Variants in RAD51B observed in about 807,000 individuals in gnomAD.
RAD51B encodes DNA repair protein RAD51 homolog 2.
A neutral mutation model predicts 42.2 loss-of-function variants in RAD51B; 38 were observed. The ratio of observed to expected loss-of-function variants is 0.90; its 90% CI spans 0.70 to 1.18. The LOEUF (loss-of-function observed/expected upper bound fraction) is 1.18. RAD51B is among the 50% of genes most tolerant of loss of function. RAD51B has a pLI of 0.00. For missense variants in RAD51B, 373 were observed against 400.7 expected (o/e 0.93, Z 0.59); for synonymous variants, 154 against 145.2 (o/e 1.06, Z -0.43).
intron 9 of RAD51B, among the ~76,000 whole-genome samples, chr14:68,453,754 G>C (rs939008705): frequency 6.6e-6 from 1 of 152,160 alleles, no homozygotes; most frequent in African/African-American, 2.4e-5. Context: ...GGTATCTCCA[G>C]TTATTGACTC....
At chr14:68,650,385 G>A (rs148763363) in intron 10 of RAD51B, among the ~76,000 whole-genome samples, 3 of 152,192 alleles carry the variant, frequency 2.0e-5, no homozygotes, top group Non-Finnish European at 4.4e-5. Context: ...TGAACAAGCA[G>A]GCAGGGTGAT....
intron 11 of RAD51B, chr14:68,682,926 TTTTTG>T: frequency 1.0e-6 from 1 of 963,134 alleles, no homozygotes; most frequent in Non-Finnish European, 1.2e-6. Context: ...TTTTTTTTTT[TTTTTG>T]TATAGGGCAG....
At chr14:68,473,581 C>T (rs563418333) in intron 10 of RAD51B, among the ~76,000 whole-genome samples, 5 of 151,902 alleles carry the variant, frequency 3.3e-5, no homozygotes, top group African/African-American at 4.8e-5. Flanking sequence ...AGAGATTTTA[C>T]AATATTTGGA....
intron 8 of RAD51B, among the ~76,000 whole-genome samples, chr14:68,297,378 C>T (rs2081635631): frequency 1.3e-5 from 2 of 152,172 alleles, no homozygotes; most frequent in South Asian, 4.1e-4. Flanking sequence ...ACTGGTGTTT[C>T]TACTTAAATT....
At chr14:68,008,760 AT>A (rs1161057200) in intron 7 of RAD51B, among the ~76,000 whole-genome samples, 1 of 152,084 alleles carries the variant, frequency 6.6e-6, no homozygotes, top group East Asian at 1.9e-4. Flanking sequence ...AATCCTGAAG[AT>A]TTATGAGGAA....
intron 8 of RAD51B, among the ~76,000 whole-genome samples, chr14:68,392,461 T>C (rs1202739978): frequency 6.6e-6 from 1 of 152,182 alleles, no homozygotes; most frequent in African/African-American, 2.4e-5. Flanking sequence ...CATATCTCTT[T>C]AGTGCTTGGC....
At chr14:68,247,878 T>C (rs371374891) in intron 7 of RAD51B, among the ~76,000 whole-genome samples, 76 of 152,268 alleles carry the variant, frequency 5.0e-4, no homozygotes, top group African/African-American at 1.8e-3. Context: ...AAGAGAACAA[T>C]ATAGTGAGGG....
intron 9 of RAD51B, among the ~76,000 whole-genome samples, chr14:68,444,983 G>A (rs1028706562): frequency 1.3e-5 from 2 of 152,338 alleles, no homozygotes; most frequent in South Asian, 2.1e-4. Context: ...CAAAGCAGCT[G>A]TGTGGGTCCT....
chr14:68,073,530 T>C (rs1048093451), intron 7 of RAD51B, among the ~76,000 whole-genome samples: 1 of 152,218 alleles, frequency 6.6e-6, no homozygotes, highest in African/African-American at 2.4e-5. Flanking sequence ...TCTTCATGGT[T>C]AATATTGATA....
chr14:68,427,211 A>G (rs1288508790), intron 9 of RAD51B, among the ~76,000 whole-genome samples: 1 of 152,244 alleles, frequency 6.6e-6, no homozygotes, highest in African/African-American at 2.4e-5. Context: ...ATCTAGGGCA[A>G]TGCTTACTGG....
intron 7 of RAD51B, among the ~76,000 whole-genome samples, chr14:67,939,575 C>G (rs1008930416): frequency 3.3e-5 from 5 of 152,116 alleles, no homozygotes; most frequent in Admixed American, 3.3e-4. Flanking sequence ...TGTATAGCTT[C>G]ACTGGGATTG....
chr14:68,559,152 CAT>C (rs1889015719), intron 10 of RAD51B, among the ~76,000 whole-genome samples: 1 of 150,870 alleles, frequency 6.6e-6, no homozygotes, highest in South Asian at 2.1e-4. Context: ...AAAACCTGTC[CAT>C]ATATATGTGT....
chr14:68,431,307 A>T (rs2084998327), intron 9 of RAD51B, among the ~76,000 whole-genome samples: 1 of 152,128 alleles, frequency 6.6e-6, no homozygotes, highest in Non-Finnish European at 1.5e-5. Flanking sequence ...TATTGATTGG[A>T]ATAGTTTCAG....
intron 7 of RAD51B, among the ~76,000 whole-genome samples, chr14:68,009,663 T>C (rs1445411533): frequency 6.6e-6 from 1 of 151,882 alleles, no homozygotes; most frequent in Non-Finnish European, 1.5e-5. Flanking sequence ...TTTAGTTCCC[T>C]GCTCAAGCAT....
At chr14:68,566,757 G>A (rs1015961921) in intron 10 of RAD51B, among the ~76,000 whole-genome samples, 6 of 152,108 alleles carry the variant, frequency 3.9e-5, no homozygotes, top group African/African-American at 7.2e-5. Flanking sequence ...AGCCCTAGAA[G>A]CTACAAGACT....
At chr14:68,188,244 T>C (rs755358936) in intron 7 of RAD51B, among the ~76,000 whole-genome samples, 4 of 152,070 alleles carry the variant, frequency 2.6e-5, no homozygotes, top group African/African-American at 4.8e-5. Flanking sequence ...GATAGTGATT[T>C]CTTTTTTTTT....
Position 68,609,358 on chromosome 14 carries a change from CT to C in RAD51B, c.1037-1646del, listed in dbSNP as rs1311469774. Reference sequence around the variant, plus strand: ...AGATGCCCCAGATCCCCACCTCTACCTTCTACCTGCAGAATCTCTCAGCACG... The same window carrying C: ...AGATGCCCCAGATCCCCACCTCTACCTCTACCTGCAGAATCTCTCAGCACG... On this transcript the variant is annotated intron_variant, in intron 10 of 10. Transcript: ENST00000487861. Among the ~76,000 whole-genome samples, 5 of 152,256 alleles carry C rather than the reference CT, an allele frequency of 3.3e-5. No individual in the cohort carries two copies. In the East Asian group the frequency reaches 9.7e-4, roughly 29 times the overall value.
chr14:68,637,180 A>G (rs1892358252), intron 10 of RAD51B, among the ~76,000 whole-genome samples: 1 of 152,152 alleles, frequency 6.6e-6, no homozygotes, highest in South Asian at 2.1e-4. Context: ...CCCGGCTTCA[A>G]GTGATCCTCC....
At chr14:68,133,409 A>C (rs927098712) in intron 7 of RAD51B, among the ~76,000 whole-genome samples, 5 of 152,202 alleles carry the variant, frequency 3.3e-5, no homozygotes, top group African/African-American at 1.2e-4. Flanking sequence ...TATGCTTTTT[A>C]AAAAATGGAA....
Sources: gnomAD v4.1 joint callset for allele counts (sites outside exome capture counted in the v4.1 genomes callset) on GRCh38, gnomAD v4.1.1 for gene constraint, MANE v1.5 for transcripts, NCBI Gene and HGNC (gene_info 2026-07-23, HGNC 2026-07-21) for gene names.